The following UNK variants were observed in gnomAD, a reference collection of about 807,000 sequenced individuals.
UNK encodes RING finger protein unkempt homolog.
Under a neutral mutation model 97.6 loss-of-function variants are expected in UNK, and 32 were observed. That is an observed-to-expected ratio of 0.33 (90% CI 0.25 to 0.44). The LOEUF is 0.44. Among genes scored for constraint, UNK ranks in the 20% least tolerant of loss-of-function variants. The pLI, the probability that UNK is intolerant of heterozygous loss-of-function variation, is 1.00. For missense variants in UNK, 771 were observed against 1,098.4 expected (o/e 0.70, Z 4.21); for synonymous variants, 441 against 461.2 (o/e 0.96, Z 0.56).
chr17:75,800,988 C>A (rs999722737), intron 1 of UNK, among the ~76,000 whole-genome samples: 3 of 151,740 alleles, frequency 2.0e-5, no homozygotes, highest in Non-Finnish European at 4.4e-5. Context: ...ACTGCAAGCT[C>A]TGTCTCCCGG....
Position 75,823,302 on chromosome 17 carries a change from G to T in UNK, c.2057G>T (p.Gly686Val), listed in dbSNP as rs1482447318. 1 of 1,607,984 alleles carries T rather than the reference G, an allele frequency of 6.2e-7. No individual in the cohort carries two copies. Among genetic ancestry groups the T allele is most frequent in the Non-Finnish European group, 8.5e-7 (1 of 1,176,366 alleles). ...TGGAAGAAAGAGGCGGAGGAGGCTG[G>T]TGAGCGGGCCAGTGCGGCGGGCGCC... The part of the protein sequence containing the change: ...DAWKKEAEEA[G>V]ERASAAGAEC... Residue 686 changes from glycine (G) to valine (V), a missense_variant, in exon 15 of 16, where the codon GGT becomes GTT. This residue lies in a region of UNK where 208 missense variants were observed against 257.4 expected (regional missense o/e 0.81). Transcript: ENST00000589666.
intron 1 of UNK, among the ~76,000 whole-genome samples, chr17:75,798,411 G>T (rs1410141858): frequency 6.6e-6 from 1 of 151,674 alleles, no homozygotes; most frequent in Non-Finnish European, 1.5e-5. Flanking sequence ...TGCCCTGTTG[G>T]CCAGGCTGGT....
In UNK at chr17:75,818,853, G is replaced by C; in HGVS notation, c.1546+37G>C. ...ATTTCTGTTTGAAAGCCCAGGACTG[G>C]GTCTGGGGTCAGAGACCCCCCAGTC... On this transcript the variant is annotated intron_variant, in intron 11 of 15. Transcript: ENST00000589666. The surrounding 1 kb of genome is among the most constrained non-coding windows in gnomAD (Gnocchi z 5.1). 1 of 1,517,992 alleles carries C rather than the reference G, an allele frequency of 6.6e-7. No individual in the cohort carries two copies. 94.0% of individuals were successfully genotyped at this position (1,517,992 alleles called of 1,614,324 possible). A position where few individuals can be genotyped will look rare whatever the true frequency, so the allele number is the denominator to read the frequency against.
rs1229761490 is a variant in UNK, at chr17:75,812,595, TC to T, written c.622+12del. The T allele has an allele frequency of 4.3e-6, 7 of 1,611,610 alleles. No homozygotes were observed. In the East Asian group the frequency reaches 1.6e-4, roughly 36 times the overall value. The stretch of plus-strand genomic sequence containing the variant: ...GAGCCTCGGTGGCAAGGTACAGGCA[TC>T]CACACCTCGGCCGCGCCCTCCCTAT... On this transcript the variant is annotated intron_variant, in intron 4 of 15. Transcript: ENST00000589666.
At chr17:75,795,339 G>A (rs944594017) in intron 1 of UNK, among the ~76,000 whole-genome samples, 1 of 151,982 alleles carries the variant, frequency 6.6e-6, no homozygotes, top group South Asian at 2.1e-4. Context: ...TGTTGTTGTT[G>A]TTGTTGTTTT....
At position 75,818,463 on chromosome 17, in the gene UNK, C is replaced by A. The variant is rs2062036389; in HGVS notation, c.1372-179C>A. Reference sequence around the variant, plus strand: ...GCGAATGGGCCTGGCAGCCTCCGCACCTCCAACTCCATGCTCTCAACAAGG... The same window carrying A: ...GCGAATGGGCCTGGCAGCCTCCGCAACTCCAACTCCATGCTCTCAACAAGG... On this transcript the variant is annotated intron_variant, in intron 10 of 15. Coordinates refer to ENST00000589666, the MANE Select transcript of UNK (RefSeq NM_001080419.3). The surrounding 1 kb of genome is among the most constrained non-coding windows in gnomAD (Gnocchi z 5.1). 1.3e-5 allele frequency among the ~76,000 whole-genome samples: 2 copies of A among 152,188 alleles called. No homozygotes were observed. The highest frequency in any genetic ancestry group is 4.8e-5 in the African/African-American group (2 of 41,440).
chr17:75,820,194 TA>T, intron 13 of UNK, 86 bp downstream of exon 13: 1 of 1,407,284 alleles, frequency 7.1e-7, no homozygotes, highest in South Asian at 1.3e-5. Context: ...ATCTACGGCA[TA>T]TCAGCTAGGC....
rs745786969 is a variant in UNK at position 75,819,804 on chromosome 17, C to T, written c.1648+19C>T. The T allele has an allele frequency of 1.1e-5, 17 of 1,613,336 alleles. No individual in the cohort carries two copies. Among genetic ancestry groups the T allele is most frequent in the South Asian group, 7.7e-5 (7 of 91,082 alleles). On this transcript the variant is annotated intron_variant, in intron 12 of 15. Coordinates refer to ENST00000589666, the MANE Select transcript of UNK (RefSeq NM_001080419.3). This position sits in a 1 kb window ranked among gnomAD's most constrained non-coding sequence, Gnocchi z 5.4. ...ACCATCGGTACTGGGTGTGGGTGGG[C>T]AGGGCAGCCTGGAGGACTCCTCGGG...
intron 3 of UNK, 47 bp downstream of exon 3, chr17:75,812,335 G>A (rs2061976346): frequency 6.3e-7 from 1 of 1,587,582 alleles, no homozygotes; most frequent in Non-Finnish European, 8.6e-7. Context: ...CTGGGGTCCA[G>A]GGCAGGGGCC....
At position 75,784,992 on chromosome 17, in the gene UNK, G is replaced by C. The variant is rs1392229420; in HGVS notation, c.104+8G>C. 1 of 1,300,762 alleles carries C rather than the reference G, an allele frequency of 7.7e-7. No individual in the cohort carries two copies. Among genetic ancestry groups the C allele is most frequent in the Non-Finnish European group, 1.0e-6 (1 of 1,000,536 alleles). 80.6% of individuals were successfully genotyped at this position (1,300,762 alleles called of 1,614,324 possible). On this transcript the variant is annotated splice_region_variant and intron_variant, in intron 1 of 15. Transcript: ENST00000589666. ...GAAACCGCAGCACTACACGTACGTA[G>C]AGCCCCCCCCCCCCCGCCGCGCGCG...
In UNK at chr17:75,820,046, A is replaced by G. The variant is rs2062053038; in HGVS notation, c.1775A>G (p.Gln592Arg). 2 of 1,613,674 alleles carry G rather than the reference A, an allele frequency of 1.2e-6. No homozygotes were observed. Among genetic ancestry groups the G allele is most frequent in the African/African-American group, 2.7e-5 (2 of 74,922 alleles). Residue 592 changes from glutamine (Q) to arginine (R), a missense_variant, in exon 13 of 16, where the codon CAG (glutamine) becomes CGG (arginine). This residue lies in a region of UNK where 91 missense variants were observed against 173.1 expected (regional missense o/e 0.53). Transcript: ENST00000589666. Reference protein sequence around the residue: ...SLSSHFLQQPQGHLSQSENTF... With the variant: ...SLSSHFLQQPRGHLSQSENTF... ...TCCTCGCATTTCCTGCAGCAGCCCC[A>G]GGGCCACCTGAGTCAGTCGGAAAAC...
intron 1 of UNK, among the ~76,000 whole-genome samples, chr17:75,795,994 C>G (rs1435396517): frequency 6.6e-6 from 1 of 152,178 alleles, no homozygotes; most frequent in African/African-American, 2.4e-5. Context: ...GCCCGTAGCA[C>G]TTGAACTGTG....
At chr17:75,791,719 C>G (rs2061765628) in intron 1 of UNK, 1 of 984,514 alleles carries the variant, frequency 1.0e-6, no homozygotes, top group Non-Finnish European at 1.2e-6. Context: ...TTATTAAAGT[C>G]AAGATTTGCT....
intron 1 of UNK, chr17:75,793,508 C>G: frequency 1.0e-6 from 1 of 985,336 alleles, no homozygotes; most frequent in Non-Finnish European, 1.2e-6. Flanking sequence ...AGTCTAGCAA[C>G]TTAAAAATCT....
chr17:75,792,512 A>G, intron 1 of UNK: 1 of 983,110 alleles, frequency 1.0e-6, no homozygotes, highest in Non-Finnish European at 1.2e-6. Context: ...CCAATATATA[A>G]AAATTACATT....
chr17:75,813,036 A>G (rs370168481), intron 4 of UNK, 42 bp from the exon 5 acceptor site: 1 of 1,545,182 alleles, frequency 6.5e-7, no homozygotes, highest in Non-Finnish European at 8.8e-7. Context: ...GGGGTGCTCC[A>G]GCTCCTCTCA....
chr17:75,794,028 A>T (rs1450173818), intron 1 of UNK: 1 of 985,322 alleles, frequency 1.0e-6, no homozygotes, highest in Non-Finnish European at 1.2e-6. Context: ...GTGACCTGTC[A>T]CTTCAGGATT....
intron 13 of UNK, among the ~76,000 whole-genome samples, 178 bp downstream of exon 13, chr17:75,820,286 C>G (rs2062055203): frequency 6.6e-6 from 1 of 152,210 alleles, no homozygotes; most frequent in African/African-American, 2.4e-5. Context: ...GATTGAGCCT[C>G]TCTGCCTTAG....
chr17:75,820,388 G>A (rs1011270953), intron 13 of UNK, among the ~76,000 whole-genome samples: 1 of 152,200 alleles, frequency 6.6e-6, no homozygotes, highest in African/African-American at 2.4e-5. Flanking sequence ...TGCTAGGCAC[G>A]AGGCCAGTGC....
Sources: allele counts gnomAD v4.1 joint callset (sites outside exome capture counted in the v4.1 genomes callset), GRCh38; gene constraint gnomAD v4.1.1; regional missense constraint gnomAD v4.1.1; non-coding constraint Gnocchi (gnomAD v3.1); transcripts MANE v1.5; gene names NCBI Gene and HGNC (gene_info 2026-07-23, HGNC 2026-07-21).